The following ZSCAN25 variants were observed in gnomAD, a reference collection of about 807,000 sequenced individuals.
ZSCAN25 encodes zinc finger and SCAN domain-containing protein 25.
In ZSCAN25, 27 loss-of-function variants were observed where a neutral mutation model predicts 38.7. The ratio of observed to expected loss-of-function variants is 0.70; its 90% CI spans 0.51 to 0.96. ZSCAN25 has a LOEUF of 0.96. Among genes scored for constraint, ZSCAN25 ranks in the 40% least tolerant of loss-of-function variants. The pLI, the probability that ZSCAN25 is intolerant of heterozygous loss-of-function variation, is 0.00. For synonymous variants in ZSCAN25, 273 were observed against 277.7 expected, an observed-to-expected ratio of 0.98 and a Z score of 0.17; for missense variants, 637 against 705.9, an observed-to-expected ratio of 0.90 and a Z score of 1.11.
At chr7:99,647,280 A>G in the ZSCAN25 span, among the ~76,000 whole-genome samples, 3 of 152,132 alleles carry the variant, frequency 2.0e-5, no homozygotes, top group African/African-American at 7.2e-5. Context: ...TCCCCAGCAC[A>G]CTTGGAATCT....
At chr7:99,736,482 G>A in the ZSCAN25 span, among the ~76,000 whole-genome samples, 4 of 152,228 alleles carry the variant, frequency 2.6e-5, no homozygotes, top group African/African-American at 9.6e-5. Flanking sequence ...TGTGAGCCCT[G>A]TGACCCATTC....
At chr7:99,627,749 T>C (rs1420414192) in intron 7 of ZSCAN25, among the ~76,000 whole-genome samples, 1 of 150,974 alleles carries the variant, frequency 6.6e-6, no homozygotes, top group African/African-American at 2.5e-5. Flanking sequence ...TATACGTATA[T>C]CGTATATGCT....
the ZSCAN25 span, among the ~76,000 whole-genome samples, chr7:99,716,148 G>T: frequency 6.6e-6 from 1 of 152,144 alleles, no homozygotes; most frequent in African/African-American, 2.4e-5. Flanking sequence ...TACCTCTGAG[G>T]TCAAGGAGCC....
At chr7:99,699,224 G>C in the ZSCAN25 span, among the ~76,000 whole-genome samples, 1 of 152,162 alleles carries the variant, frequency 6.6e-6, no homozygotes, top group Admixed American at 6.5e-5. Context: ...TCCCAGAGAC[G>C]GGAGGAAAAA....
the ZSCAN25 span, chr7:99,735,163 G>T: frequency 5.0e-6 from 8 of 1,595,008 alleles, no homozygotes; most frequent in African/African-American, 1.1e-4. Context: ...TTGCTGGGCT[G>T]TGTGTGTGGA....
chr7:99,668,098 C>T, the ZSCAN25 span, among the ~76,000 whole-genome samples: 1 of 152,200 alleles, frequency 6.6e-6, no homozygotes, highest in Admixed American at 6.5e-5. Context: ...CTATAGGATA[C>T]AAGATCAACA....
chr7:99,652,910 G>T, the ZSCAN25 span: 1 of 695,852 alleles, frequency 1.4e-6, no homozygotes, highest in Non-Finnish European at 2.4e-6. Context: ...TAGTATTCGT[G>T]AAGTATTTTA....
rs1321497027 is a variant in ZSCAN25, at chr7:99,629,185, C to T, written c.806-6C>T. 1 of 1,603,240 alleles carries T rather than the reference C, an allele frequency of 6.2e-7. No homozygotes were observed. The highest frequency in any genetic ancestry group is 8.5e-7 in the Non-Finnish European group (1 of 1,174,858). Reference sequence around the variant, plus strand: ...GAATCAATCTTTATCTCCTCCTGTCCTGTAGGCGGTGGGAGCAAGGAAAAG... The same window carrying T: ...GAATCAATCTTTATCTCCTCCTGTCTTGTAGGCGGTGGGAGCAAGGAAAAG... On this transcript the variant is annotated splice_region_variant and splice_polypyrimidine_tract_variant and intron_variant, in intron 7 of 7. Coordinates refer to ENST00000394152, the MANE Select transcript of ZSCAN25 (RefSeq NM_145115.3). This position sits in a 1 kb window ranked among gnomAD's most constrained non-coding sequence, Gnocchi z 5.6.
At chr7:99,639,710 T>A in the ZSCAN25 span, among the ~76,000 whole-genome samples, 1 of 152,214 alleles carries the variant, frequency 6.6e-6, no homozygotes. Context: ...GCAGTTTCAG[T>A]GGCATAGTGG....
downstream of ZSCAN25, among the ~76,000 whole-genome samples, chr7:99,634,165 G>T (rs557448258): frequency 1.3e-5 from 2 of 152,336 alleles, no homozygotes; most frequent in East Asian, 3.9e-4. Flanking sequence ...GAGAAACTCT[G>T]TTTTCTCCCC....
chr7:99,719,666 A>G, the ZSCAN25 span, among the ~76,000 whole-genome samples: 1 of 152,180 alleles, frequency 6.6e-6, no homozygotes. Context: ...CCTCTCAGAG[A>G]AAAACACTCG....
chr7:99,676,505 T>C, the ZSCAN25 span: 22 of 1,385,372 alleles, frequency 1.6e-5, no homozygotes, highest in Admixed American at 2.2e-4. Context: ...CAGGCAGGAA[T>C]TCTTCCAGGA....
the ZSCAN25 span, among the ~76,000 whole-genome samples, chr7:99,657,776 G>A: frequency 1.3e-5 from 2 of 152,118 alleles, no homozygotes; most frequent in African/African-American, 2.4e-5. Context: ...CCTGTATTGG[G>A]TGCATATATA....
intron 3 of ZSCAN25, 63 bp from the exon 4 acceptor site, chr7:99,619,498 T>C: frequency 7.8e-7 from 1 of 1,284,776 alleles, no homozygotes; most frequent in Non-Finnish European, 1.1e-6. Flanking sequence ...CAGTGGAATA[T>C]TCCTTGATGT....
intron 5 of ZSCAN25, 142 bp downstream of exon 5, chr7:99,621,716 T>G: frequency 1.7e-6 from 1 of 587,554 alleles, no homozygotes; most frequent in Non-Finnish European, 2.6e-6. Flanking sequence ...TCCTCCACCT[T>G]AGGAAATAGA....
chr7:99,663,605 A>G, the ZSCAN25 span: 13 of 998,954 alleles, frequency 1.3e-5, no homozygotes, highest in Non-Finnish European at 1.5e-5. Context: ...ACTTAAAATG[A>G]TTCTTTACCA....
the ZSCAN25 span, chr7:99,715,346 C>T: frequency 4.2e-5 from 10 of 236,094 alleles, no homozygotes; most frequent in Admixed American, 3.1e-4. Context: ...ATTCATGCCA[C>T]AACACAGTAA....
At chr7:99,722,829 C>A in the ZSCAN25 span, among the ~76,000 whole-genome samples, 1 of 152,090 alleles carries the variant, frequency 6.6e-6, no homozygotes, top group Non-Finnish European at 1.5e-5. Flanking sequence ...GTTACAGACA[C>A]CAGGGACCTC....
the ZSCAN25 span, chr7:99,709,091 A>G: frequency 4.3e-6 from 7 of 1,613,850 alleles, no homozygotes; most frequent in African/African-American, 6.7e-5. Flanking sequence ...GATGAAGAAC[A>G]TAGCTTGGAA....
Sources: gnomAD v4.1 joint callset for allele counts (sites outside exome capture counted in the v4.1 genomes callset) on GRCh38, gnomAD v4.1.1 for gene constraint, Gnocchi (gnomAD v3.1) non-coding constraint, MANE v1.5 for transcripts, NCBI Gene and HGNC (gene_info 2026-07-23, HGNC 2026-07-21) for gene names.